TAB2: variants seen among roughly 807,000 people sequenced by gnomAD.
TAB2 encodes the protein TGF-beta activated kinase 1 (MAP3K7) binding protein 2.
TAB2 carries 3 observed loss-of-function variants against 65.0 expected under a neutral mutation model. The ratio of observed to expected loss-of-function variants is 0.05; its 90% CI spans 0.02 to 0.12. TAB2 has a LOEUF of 0.12. Among genes scored for constraint, TAB2 ranks in the 10% least tolerant of loss-of-function variants. The probability of loss-of-function intolerance (pLI) is 1.00; values close to 1 mark genes in which losing one functional copy is unlikely to be tolerated. For synonymous variants in TAB2, 298 were observed against 285.1 expected (o/e 1.05, Z -0.46); for missense variants, 623 against 840.3 (o/e 0.74, Z 3.20).
chr6:149,379,262 C>T lies in TAB2; in HGVS notation c.1347C>T (p.Thr449=), dbSNP rs1448010464. 1 of 1,614,204 alleles carries T rather than the reference C, an allele frequency of 6.2e-7. No individual in the cohort carries two copies. Among genetic ancestry groups the T allele is most frequent in the Non-Finnish European group, 8.5e-7 (1 of 1,180,044 alleles). Residue 449 remains threonine (T), a synonymous_variant, in exon 3 of 7, where the codon ACC becomes ACT. Transcript: ENST00000637181. The part of the protein sequence containing the change: ...KSRAIGNNSA[T]SPRVVVTQPN... Reference sequence around the variant, plus strand: ...GAGCAATAGGCAATAACTCTGCAACCTCTCCTCGAGTGGTAGTCACTCAGC... The same window carrying T: ...GAGCAATAGGCAATAACTCTGCAACTTCTCCTCGAGTGGTAGTCACTCAGC...
chr6:149,274,086 G>T (rs955180311), intron 1 of TAB2, among the ~76,000 whole-genome samples: 4 of 152,224 alleles, frequency 2.6e-5, no homozygotes, highest in Admixed American at 1.3e-4. Flanking sequence ...TATCATTGGT[G>T]GGATCATAAA....
chr6:149,337,777 A>G (rs986987947), intron 1 of TAB2, among the ~76,000 whole-genome samples: 5 of 152,188 alleles, frequency 3.3e-5, no homozygotes, highest in Non-Finnish European at 7.3e-5. Context: ...CTCTTATACT[A>G]TACTTACACA....
chr6:149,301,528 A>T (rs9498307), intron 1 of TAB2, among the ~76,000 whole-genome samples: 6,782 of 152,312 alleles, frequency 0.045, 476 homozygotes, highest in African/African-American at 0.15. Flanking sequence ...TTACACATAT[A>T]CATTCATCAA....
intron 1 of TAB2, among the ~76,000 whole-genome samples, chr6:149,225,466 C>T (rs1777248897): frequency 6.6e-6 from 1 of 151,968 alleles, no homozygotes; most frequent in South Asian, 2.1e-4. Flanking sequence ...AGAGGTAGTC[C>T]AAGGTTTTTT....
intron 1 of TAB2, among the ~76,000 whole-genome samples, chr6:149,220,401 T>C (rs939808613): frequency 1.3e-5 from 2 of 152,256 alleles, no homozygotes; most frequent in Non-Finnish European, 2.9e-5. Flanking sequence ...TCCATTGGAC[T>C]ATATTTCACT....
At chr6:149,264,075 C>A (rs184069020) in intron 1 of TAB2, among the ~76,000 whole-genome samples, 9 of 152,200 alleles carry the variant, frequency 5.9e-5, no homozygotes, top group Non-Finnish European at 1.2e-4. Context: ...ACAGGCAGGC[C>A]GCTGTAGGTT....
At chr6:149,260,388 C>T (rs534770679) in intron 1 of TAB2, among the ~76,000 whole-genome samples, 4 of 152,190 alleles carry the variant, frequency 2.6e-5, no homozygotes, top group Admixed American at 1.3e-4. Context: ...GTGGGGAGTG[C>T]GGTACAAGGC....
At chr6:149,402,015 A>G (rs1343564279) in intron 6 of TAB2, among the ~76,000 whole-genome samples, 2 of 151,020 alleles carry the variant, frequency 1.3e-5, no homozygotes, top group Non-Finnish European at 2.9e-5. Flanking sequence ...AAAAAAAGAA[A>G]GATCTCAATT....
chr6:149,227,602 G>C (rs1377339424), intron 1 of TAB2, among the ~76,000 whole-genome samples: 1 of 152,198 alleles, frequency 6.6e-6, no homozygotes, highest in Non-Finnish European at 1.5e-5. Context: ...GGTGAGGCCG[G>C]CTTGCCACTT....
At chr6:149,306,525 T>G (rs1353288210) in intron 1 of TAB2, among the ~76,000 whole-genome samples, 3 of 136,196 alleles carry the variant, frequency 2.2e-5, no homozygotes, top group African/African-American at 8.4e-5. Flanking sequence ...GCCACTGCAC[T>G]CCAGCCCAGG....
chr6:149,317,637 G>T (rs1191619545), upstream of TAB2: 2 of 160,408 alleles, frequency 1.2e-5, no homozygotes, highest in Non-Finnish European at 2.7e-5. The surrounding 1 kb of genome is among the most constrained non-coding windows in gnomAD (Gnocchi z 4.7). Flanking sequence ...AGCGCGAGGG[G>T]GGTGGGGGCA....
rs533187019 is a variant in TAB2 at position 149,263,272 on chromosome 6, GA to G, written c.-121+44503del. On this transcript the variant is annotated intron_variant, in intron 1 of 1. Transcript: ENST00000606202. The stretch of plus-strand genomic sequence containing the variant: ...TGTTAAAATATTGTTACTTATTAGG[GA>G]AAAAAACAATTTTATAGTTGTTACA... Among the ~76,000 whole-genome samples, 202 of 151,972 alleles carry G rather than the reference GA, an allele frequency of 1.3e-3. 1 individual carries two copies. Among genetic ancestry groups the G allele is most frequent in the African/African-American group, 3.8e-3 (158 of 41,462 alleles).
chr6:149,330,998 A>G (rs1361814952), intron 1 of TAB2, among the ~76,000 whole-genome samples: 2 of 152,132 alleles, frequency 1.3e-5, no homozygotes, highest in African/African-American at 4.8e-5. Flanking sequence ...TCCCTCCACC[A>G]CTACCACACT....
intron 1 of TAB2, among the ~76,000 whole-genome samples, chr6:149,362,735 G>A (rs1780893196): frequency 6.6e-6 from 1 of 152,168 alleles, no homozygotes; most frequent in African/African-American, 2.4e-5. Context: ...AACTAGTCAA[G>A]AGCAGTTAAC....
At chr6:149,249,752 T>C (rs1458583814) in intron 1 of TAB2, among the ~76,000 whole-genome samples, 1 of 152,158 alleles carries the variant, frequency 6.6e-6, no homozygotes, top group Non-Finnish European at 1.5e-5. Flanking sequence ...CCTGCCCTCA[T>C]TTCTTCCCTC....
Position 149,345,181 on chromosome 6 carries a change from T to TAA in TAB2, c.-89-24719_-89-24718dup, listed in dbSNP as rs139631338. ...AGTTCACCTTGAGTTAGCCTTTAGG[T>TAA]AAAAAAAAAAGTCACCTGGCTTCTT... On this transcript the variant is annotated intron_variant, in intron 1 of 6. Transcript: ENST00000637181. 8.1e-5 allele frequency among the ~76,000 whole-genome samples: 12 copies of TAA among 148,200 alleles called. No homozygotes were observed. The East Asian group carries it at 2.1e-3, about 27-fold the overall frequency.
At chr6:149,397,467 A>T in intron 3 of TAB2, 137 bp from the exon 4 acceptor site, 2 of 1,021,718 alleles carry the variant, frequency 2.0e-6, no homozygotes, top group Non-Finnish European at 3.0e-6. Flanking sequence ...TTGAAATTTT[A>T]AATGCCTAAA....
chr6:149,381,276 T>A (rs549059191), intron 3 of TAB2, among the ~76,000 whole-genome samples: 79 of 152,356 alleles, frequency 5.2e-4, no homozygotes, highest in African/African-American at 1.8e-3. Flanking sequence ...TTTTGTTTAG[T>A]TTCAGCAGTT....
intron 6 of TAB2, chr6:149,400,286 C>G: frequency 7.8e-7 from 1 of 1,279,382 alleles, no homozygotes; most frequent in Non-Finnish European, 1.1e-6. Flanking sequence ...CTCCCTCATC[C>G]ACCGCTGTCA....
Sources: allele counts gnomAD v4.1 joint callset (sites outside exome capture counted in the v4.1 genomes callset), GRCh38; gene constraint gnomAD v4.1.1; non-coding constraint Gnocchi (gnomAD v3.1); transcripts MANE v1.5; gene names NCBI Gene and HGNC (gene_info 2026-07-23, HGNC 2026-07-21).